The following ELP4 variants were observed in gnomAD, a reference collection of about 807,000 sequenced individuals.
ELP4 encodes elongator acetyltransferase complex subunit 4.
A neutral mutation model predicts 48.9 loss-of-function variants in ELP4; 51 were observed. That is an observed-to-expected ratio of 1.04 (90% confidence interval 0.83 to 1.32). ELP4 has a LOEUF of 1.32. Ranked by LOEUF, ELP4 falls within the 40% of genes most tolerant of loss-of-function variation. The pLI is 0.00. For synonymous variants in ELP4, 210 were observed against 189.2 expected (o/e 1.11, Z -0.90); for missense variants, 519 against 514.6 (o/e 1.01, Z -0.08).
At chr11:31,754,763 T>C (rs1947797808) in intron 9 of ELP4, among the ~76,000 whole-genome samples, 1 of 152,056 alleles carries the variant, frequency 6.6e-6, no homozygotes, top group Non-Finnish European at 1.5e-5. Flanking sequence ...TCCCAGCTAC[T>C]CAGGAGGGTG....
intron 9 of ELP4, among the ~76,000 whole-genome samples, chr11:31,670,911 G>A (rs1222857944): frequency 6.6e-6 from 1 of 151,462 alleles, no homozygotes; most frequent in African/African-American, 2.4e-5. Context: ...AACTATTTTA[G>A]TTGGAGATTT....
At chr11:31,578,644 A>C (rs895325368) in intron 3 of ELP4, among the ~76,000 whole-genome samples, 8 of 152,328 alleles carry the variant, frequency 5.3e-5, no homozygotes, top group African/African-American at 1.9e-4. Context: ...ACACATCTAC[A>C]GCCATCTGAT....
intron 3 of ELP4, among the ~76,000 whole-genome samples, chr11:31,570,400 G>A (rs1192785113): frequency 1.3e-5 from 2 of 151,900 alleles, no homozygotes; most frequent in African/African-American, 2.4e-5. Flanking sequence ...TTCCTATTGG[G>A]CATTATGCTC....
intron 3 of ELP4, among the ~76,000 whole-genome samples, chr11:31,592,437 G>C (rs1003817099): frequency 6.6e-6 from 1 of 151,536 alleles, no homozygotes; most frequent in African/African-American, 2.4e-5. Context: ...ATCTACTCAG[G>C]AGGCTGAGGT....
intron 9 of ELP4, among the ~76,000 whole-genome samples, chr11:31,723,524 C>T (rs1330067833): frequency 6.6e-6 from 1 of 152,200 alleles, no homozygotes; most frequent in African/African-American, 2.4e-5. Flanking sequence ...GCTGGACCCA[C>T]CTGCTGGATA....
intron 9 of ELP4, among the ~76,000 whole-genome samples, chr11:31,680,683 A>G (rs1239460318): frequency 6.6e-6 from 1 of 152,324 alleles, no homozygotes; most frequent in East Asian, 1.9e-4. Flanking sequence ...GAGTGTTAGA[A>G]AATGTTGTAT....
At chr11:31,617,485 A>T (rs1210720491) in intron 5 of ELP4, among the ~76,000 whole-genome samples, 1 of 152,030 alleles carries the variant, frequency 6.6e-6, no homozygotes, top group East Asian at 1.9e-4. Flanking sequence ...GTTTTACAAG[A>T]TAAAAAAGTT....
rs1949405718 is a variant in ELP4, at chr11:31,790,150, T to C, written c.*6626T>C. ...TACTTTCTAACATTTTTTACTGTAT[T>C]AAAATCACTTCAATTGTTACAAATA... On this transcript the variant is annotated 3_prime_UTR_variant, in exon 10 of 10. Transcript: ENST00000640961. 4.3e-6 allele frequency: 3 copies of C among 692,130 alleles called. No individual in the cohort carries two copies. The Admixed American group carries it at 8.7e-5, about 20-fold the overall frequency. 42.9% of individuals were successfully genotyped at this position (692,130 alleles called of 1,614,324 possible). A position where few individuals can be genotyped will look rare whatever the true frequency, so the allele number is the denominator to read the frequency against.
At position 31,544,072 on chromosome 11, in the gene ELP4, C is replaced by T. The variant is rs565091752; in HGVS notation, c.381+4289C>T. On this transcript the variant is annotated intron_variant, in intron 3 of 9. Coordinates refer to ENST00000640961, the MANE Select transcript of ELP4 (RefSeq NM_019040.5). ...GGTCTACAGCTCCCAGCGTGAGCGA[C>T]GCAGAAGACGGGTGATTTCTGCATT... Among the ~76,000 whole-genome samples the T allele has an allele frequency of 4.2e-4, 64 of 152,320 alleles. 1 individual carries two copies. Among genetic ancestry groups the T allele is most frequent in the African/African-American group, 1.4e-3 (59 of 41,570 alleles).
At chr11:31,541,231 C>T (rs1956585560) in intron 3 of ELP4, among the ~76,000 whole-genome samples, 1 of 152,176 alleles carries the variant, frequency 6.6e-6, no homozygotes, top group South Asian at 2.1e-4. Context: ...ATAATTCGTT[C>T]ATATGATTCA....
chr11:31,673,160 G>C (rs1049095458), intron 9 of ELP4, among the ~76,000 whole-genome samples: 1 of 152,026 alleles, frequency 6.6e-6, no homozygotes, highest in African/African-American at 2.4e-5. Flanking sequence ...GGGACTACAG[G>C]TGTGCACCAC....
intron 2 of ELP4, among the ~76,000 whole-genome samples, chr11:31,535,149 T>C (rs1288322918): frequency 6.6e-6 from 1 of 152,218 alleles, no homozygotes; most frequent in African/African-American, 2.4e-5. Flanking sequence ...CTATGTGTTT[T>C]AATATATAAA....
chr11:31,644,603 A>T (rs907969515), intron 7 of ELP4, among the ~76,000 whole-genome samples: 3 of 151,758 alleles, frequency 2.0e-5, no homozygotes, highest in African/African-American at 7.2e-5. Flanking sequence ...TGTGATTATT[A>T]TGCTTTTATG....
Position 31,787,608 on chromosome 11 carries a change from C to T in ELP4, c.*4084C>T. 1 of 232,420 alleles carries T rather than the reference C, an allele frequency of 4.3e-6. No homozygotes were observed. The highest frequency in any genetic ancestry group is 8.5e-6 in the Non-Finnish European group (1 of 117,514). The allele number at this position is 232,420 out of a possible 1,614,324, so 14.4% of individuals were successfully genotyped here. A position where few individuals can be genotyped will look rare whatever the true frequency, so the allele number is the denominator to read the frequency against. On this transcript the variant is annotated 3_prime_UTR_variant, in exon 10 of 10. Coordinates refer to ENST00000640961, the MANE Select transcript of ELP4 (RefSeq NM_019040.5). Reference sequence around the variant, plus strand: ...AGAAATGTCTGCACCGGCAATTGTACCAACAGTGCGTATGTGTGCTCACTC... The same window carrying T: ...AGAAATGTCTGCACCGGCAATTGTATCAACAGTGCGTATGTGTGCTCACTC...
chr11:31,529,700 G>A (rs1418907008), intron 2 of ELP4, among the ~76,000 whole-genome samples: 1 of 152,174 alleles, frequency 6.6e-6, no homozygotes, highest in Non-Finnish European at 1.5e-5. Flanking sequence ...AGGAAAAGGA[G>A]GGGGGCCTGC....
intron 9 of ELP4, among the ~76,000 whole-genome samples, chr11:31,700,774 G>T (rs1308974014): frequency 2.0e-5 from 3 of 152,008 alleles, no homozygotes; most frequent in Non-Finnish European, 4.4e-5. Context: ...CACCAAGAGG[G>T]CATGTTCTGT....
At position 31,789,578 on chromosome 11, in the gene ELP4, A is replaced by T. The variant is rs774392481; in HGVS notation, c.*6054A>T. On this transcript the variant is annotated 3_prime_UTR_variant, in exon 10 of 10. Transcript: ENST00000640961. ...GCTTGTTGATCATGGTTTTCTTTTT[A>T]AAAAAAAAAAAAACAACTTCATGAC... 5,772 of 261,028 alleles carry T rather than the reference A, an allele frequency of 0.022. 11 individuals are homozygous for T. Among genetic ancestry groups the T allele is most frequent in the Non-Finnish European group, 0.031 (4,319 of 139,308 alleles). 16.2% of individuals were successfully genotyped at this position (261,028 alleles called of 1,614,324 possible).
chr11:31,598,841 G>C (rs1487177207), intron 4 of ELP4: 1 of 152,010 alleles, frequency 6.6e-6, no homozygotes, highest in African/African-American at 2.4e-5. Flanking sequence ...TTTAAAGCTT[G>C]AATGTTTTGA....
At chr11:31,566,451 A>T (rs978259227) in intron 3 of ELP4, among the ~76,000 whole-genome samples, 1 of 152,138 alleles carries the variant, frequency 6.6e-6, no homozygotes, top group East Asian at 1.9e-4. Flanking sequence ...ATTTGTATGG[A>T]CCACATTTTT....
Sources: gnomAD v4.1 joint callset for allele counts (sites outside exome capture counted in the v4.1 genomes callset) on GRCh38, gnomAD v4.1.1 for gene constraint, MANE v1.5 for transcripts, NCBI Gene and HGNC (gene_info 2026-07-23, HGNC 2026-07-21) for gene names.